TBX1: variants seen among roughly 807,000 people sequenced by gnomAD.
TBX1 encodes the protein T-box transcription factor TBX1.
In TBX1, 16 loss-of-function variants were observed where a neutral mutation model predicts 40.8. The ratio of observed to expected loss-of-function variants is 0.39; its 90% CI spans 0.27 to 0.60. TBX1 has a LOEUF of 0.60. TBX1 is among the 20% of genes least tolerant of loss of function. The probability of loss-of-function intolerance (pLI) is 0.51; values close to 1 mark genes in which losing one functional copy is unlikely to be tolerated. For missense variants in TBX1, 755 were observed against 728.5 expected (o/e 1.04, Z -0.42); for synonymous variants, 403 against 336.8 (o/e 1.20, Z -2.15).
rs1034090888 is a variant in TBX1, at chr22:19,767,105, G to T, written c.*238G>T. 7.9e-7 allele frequency: 1 copy of T among 1,259,044 alleles called. No homozygotes were observed. Among genetic ancestry groups the T allele is most frequent in the South Asian group, 2.7e-5 (1 of 36,588 alleles). The allele number at this position is 1,259,044 out of a possible 1,614,324, so 78.0% of individuals were successfully genotyped here. ...CCACCGCGGGTCCTTCCCCGGCCCCGAGGGCCAAGGGGGTCCCCGCCCGCC... is the reference window on the plus strand; with the variant it reads ...CCACCGCGGGTCCTTCCCCGGCCCCTAGGGCCAAGGGGGTCCCCGCCCGCC... On this transcript the variant is annotated 3_prime_UTR_variant, in exon 7 of 7. Transcript: ENST00000649276.
intron 8 of TBX1, among the ~76,000 whole-genome samples, chr22:19,775,172 C>T (rs1335992975): frequency 2.0e-5 from 3 of 152,156 alleles, no homozygotes; most frequent in Non-Finnish European, 4.4e-5. Flanking sequence ...TGGCTCACTG[C>T]AACCTTTACC....
chr22:19,766,374 C>G lies in TBX1; in HGVS notation c.1037-15C>G. 10 of 1,307,290 alleles carry G rather than the reference C, an allele frequency of 7.6e-6. No individual in the cohort carries two copies. Among genetic ancestry groups the G allele is most frequent in the Non-Finnish European group, 8.8e-6 (9 of 1,028,002 alleles). The allele number at this position is 1,307,290 out of a possible 1,614,324, so 81.0% of individuals were successfully genotyped here. On this transcript the variant is annotated splice_polypyrimidine_tract_variant and intron_variant, in intron 6 of 6. Coordinates refer to ENST00000649276, the MANE Select transcript of TBX1 (RefSeq NM_001379200.1). ...GCCCCGGCCGGCCGCGCTCACTCCT[C>G]GGCCCTCTCCGCAGACGCGGCTGAG... is the stretch of plus-strand genomic sequence containing the variant.
At chr22:19,768,722 G>C (rs907996503), downstream of TBX1, among the ~76,000 whole-genome samples, 1 of 152,138 alleles carries the variant, frequency 6.6e-6, no homozygotes, top group African/African-American at 2.4e-5. Flanking sequence ...GCTGCCATTC[G>C]AGACCTCCGC....
intron 8 of TBX1, among the ~76,000 whole-genome samples, chr22:19,772,396 C>G (rs984442381): frequency 6.6e-6 from 1 of 152,236 alleles, no homozygotes; most frequent in Non-Finnish European, 1.5e-5. Flanking sequence ...GCCTCGAACT[C>G]CGGGGCTCAA....
At chr22:19,780,315 G>C (rs1937127024), downstream of TBX1, among the ~76,000 whole-genome samples, 1 of 152,130 alleles carries the variant, frequency 6.6e-6, no homozygotes, top group African/African-American at 2.4e-5. Flanking sequence ...TCTACTCTCT[G>C]TCTCTGTGAA....
At chr22:19,759,584 C>G (rs1936573654), upstream of TBX1, 1 of 1,602,422 alleles carries the variant, frequency 6.2e-7, no homozygotes, top group East Asian at 2.3e-5. Flanking sequence ...CACCGCCCAC[C>G]AGGGCTCAGG....
At chr22:19,781,809 TG>T (rs1937145227), downstream of TBX1, among the ~76,000 whole-genome samples, 1 of 152,198 alleles carries the variant, frequency 6.6e-6, no homozygotes, top group Non-Finnish European at 1.5e-5. Flanking sequence ...TTTCCCCCAT[TG>T]AATGGTCACC....
chr22:19,782,996 A>C (rs762446325), downstream of TBX1: 11 of 1,174,642 alleles, frequency 9.4e-6, no homozygotes, highest in Non-Finnish European at 1.4e-5. Context: ...TGAGTCCCTG[A>C]GACCACCACA....
At position 19,765,895 on chromosome 22, in the gene TBX1, C is replaced by T. The variant is rs1004508627; in HGVS notation, c.936-7C>T. 1.3e-6 allele frequency: 2 copies of T among 1,543,942 alleles called. No homozygotes were observed. Among genetic ancestry groups the T allele is most frequent in the Non-Finnish European group, 1.7e-6 (2 of 1,144,734 alleles). ...AGGCGCCGCCCTGATCCGCCTCCCG[C>T]CCGCAGGCCCCGGAACCACCGGCCC... On this transcript the variant is annotated splice_polypyrimidine_tract_variant and splice_region_variant and intron_variant, in intron 5 of 6. Transcript: ENST00000649276.
chr22:19,767,219 C>T lies in TBX1; in HGVS notation c.*352C>T, dbSNP rs1461505731. The T allele has an allele frequency of 9.2e-6, 10 of 1,086,114 alleles. No individual in the cohort carries two copies. The highest frequency in any genetic ancestry group is 1.7e-5 in the African/African-American group (1 of 59,856). 67.3% of individuals were successfully genotyped at this position (1,086,114 alleles called of 1,614,324 possible). A position where few individuals can be genotyped will look rare whatever the true frequency, so the allele number is the denominator to read the frequency against. On this transcript the variant is annotated 3_prime_UTR_variant, in exon 7 of 7. Transcript: ENST00000649276. Reference sequence around the variant, plus strand: ...TCGCCCGCGGCCCGGCCGGCAGTTGCAGTGTAGACAGCCCGAGAGCCCCGC... The same window carrying T: ...TCGCCCGCGGCCCGGCCGGCAGTTGTAGTGTAGACAGCCCGAGAGCCCCGC...
In TBX1 at chr22:19,766,997, C is replaced by A; in HGVS notation, c.*130C>A. 1.4e-6 allele frequency: 2 copies of A among 1,405,288 alleles called. No homozygotes were observed. The highest frequency in any genetic ancestry group is 3.0e-5 in the African/African-American group (2 of 66,756). The allele number at this position is 1,405,288 out of a possible 1,614,324, so 87.1% of individuals were successfully genotyped here. On this transcript the variant is annotated 3_prime_UTR_variant, in exon 7 of 7. Coordinates refer to ENST00000649276, the MANE Select transcript of TBX1 (RefSeq NM_001379200.1). ...CAGGGGCCACCGCGGCTCTCCCCTT[C>A]CCCAGCCTCGAAGCCATGGGGGCCC... is the stretch of plus-strand genomic sequence containing the variant.
upstream of TBX1, chr22:19,759,658 C>G (rs764497467): frequency 6.2e-7 from 1 of 1,612,408 alleles, no homozygotes; most frequent in Non-Finnish European, 8.5e-7. Context: ...ACTTCAGCAC[C>G]GTCACCAGGG....
At chr22:19,781,816 TCAC>T (rs990763444), downstream of TBX1, among the ~76,000 whole-genome samples, 3 of 152,204 alleles carry the variant, frequency 2.0e-5, no homozygotes, top group African/African-American at 4.8e-5. Flanking sequence ...CATTGAATGG[TCAC>T]CACATTAAAA....
exon 9 of TBX1, chr22:19,779,339 G>A (rs956393764): frequency 7.4e-6 from 12 of 1,614,104 alleles, no homozygotes; most frequent in Non-Finnish European, 1.0e-5. Context: ...CCCCTGCCCC[G>A]CAGAGTGCCA....
intron 8 of TBX1, among the ~76,000 whole-genome samples, chr22:19,774,893 A>T (rs1179815778): frequency 9.5e-6 from 1 of 105,794 alleles, no homozygotes; most frequent in Non-Finnish European, 1.9e-5. Flanking sequence ...GACGCACAGC[A>T]TCGGGAATAC....
downstream of TBX1, among the ~76,000 whole-genome samples, chr22:19,782,630 T>C (rs1036736384): frequency 6.6e-5 from 10 of 152,132 alleles, no homozygotes; most frequent in African/African-American, 2.2e-4. Flanking sequence ...CAGTGTCTTA[T>C]CACACCCGCA....
intron 8 of TBX1, among the ~76,000 whole-genome samples, chr22:19,772,459 C>A (rs1429431482): frequency 6.6e-6 from 1 of 152,158 alleles, no homozygotes; most frequent in Non-Finnish European, 1.5e-5. Flanking sequence ...GCGTGTGCCA[C>A]CACACCCTGC....
downstream of TBX1, among the ~76,000 whole-genome samples, chr22:19,769,413 T>A: frequency 1.3e-5 from 2 of 152,216 alleles, 1 homozygote; most frequent in East Asian, 3.9e-4. Flanking sequence ...GAAGTGTGGG[T>A]TTCCTCCCCT....
chr22:19,770,286 G>A (rs9606155), downstream of TBX1, among the ~76,000 whole-genome samples: 289 of 152,334 alleles, frequency 1.9e-3, no homozygotes, highest in Non-Finnish European at 3.0e-3. Context: ...CTAAGCGGGG[G>A]TGGGGACCAT....
Sources: allele counts gnomAD v4.1 joint callset (sites outside exome capture counted in the v4.1 genomes callset), GRCh38; gene constraint gnomAD v4.1.1; transcripts MANE v1.5; gene names NCBI Gene and HGNC (gene_info 2026-07-23, HGNC 2026-07-21).